CPLANE1: variants seen among roughly 807,000 people sequenced by gnomAD.
The protein encoded by CPLANE1 is ciliogenesis and planar polarity effector complex subunit 1.
A neutral mutation model predicts 362.5 loss-of-function variants in CPLANE1; 263 were observed. The ratio of observed to expected loss-of-function variants is 0.73; its 90% confidence interval spans 0.66 to 0.80. The LOEUF (loss-of-function observed/expected upper bound fraction) is 0.80. CPLANE1 is among the 30% of genes least tolerant of loss of function. The pLI is 0.00. For synonymous variants in CPLANE1, 1,212 were observed against 1,302.6 expected, an observed-to-expected ratio of 0.93 and a Z score of 1.50; for missense variants, 3,461 against 3,793.4, an observed-to-expected ratio of 0.91 and a Z score of 2.30.
At chr5:37,192,747 C>T (rs1224803040) in intron 21 of CPLANE1, among the ~76,000 whole-genome samples, 5 of 151,058 alleles carry the variant, frequency 3.3e-5, no homozygotes, top group Non-Finnish European at 7.4e-5. Flanking sequence ...GCCTGTAGTC[C>T]CAGCTACTCG....
chr5:37,211,073 C>T, intron 16 of CPLANE1: 1 of 876,914 alleles, frequency 1.1e-6, no homozygotes, highest in South Asian at 1.3e-5. Flanking sequence ...ATCATTCTGC[C>T]AATGGATTAA....
intron 43 of CPLANE1, among the ~76,000 whole-genome samples, chr5:37,145,875 T>A (rs570213275): frequency 3.4e-4 from 52 of 152,260 alleles, no homozygotes; most frequent in Middle Eastern, 3.4e-3. Flanking sequence ...TCTAATTATT[T>A]AAAGGAATGA....
chr5:37,116,226 T>C (rs879812867), intron 50 of CPLANE1, among the ~76,000 whole-genome samples: 5 of 152,096 alleles, frequency 3.3e-5, no homozygotes, highest in Non-Finnish European at 5.9e-5. Flanking sequence ...GGCTCACACC[T>C]GTAATCCCAT....
intron 42 of CPLANE1, among the ~76,000 whole-genome samples, chr5:37,151,099 C>T (rs1024279025): frequency 7.2e-5 from 11 of 152,166 alleles, no homozygotes; most frequent in Admixed American, 3.3e-4. Context: ...ATGGTAAATG[C>T]TTTCTGTTCC....
chr5:37,194,899 T>C (rs1026868236), intron 21 of CPLANE1, among the ~76,000 whole-genome samples: 2 of 151,734 alleles, frequency 1.3e-5, no homozygotes, highest in African/African-American at 4.8e-5. Context: ...ACACCTGTAA[T>C]CCCAGCACTT....
At chr5:37,179,883 C>A (rs1580468195) in intron 28 of CPLANE1, 134 bp downstream of exon 28, 1 of 481,848 alleles carries the variant, frequency 2.1e-6, no homozygotes, top group Non-Finnish European at 3.5e-6. Context: ...ATATTTAATT[C>A]TCTTAATTTT....
chr5:37,192,590 C>T (rs1258827257), intron 21 of CPLANE1, among the ~76,000 whole-genome samples: 1 of 152,106 alleles, frequency 6.6e-6, no homozygotes, highest in Non-Finnish European at 1.5e-5. Context: ...TCTGGCCAGG[C>T]ACGGTGGCTC....
rs190131973 is a variant in CPLANE1, at chr5:37,173,083, A to G, written c.6171+672T>C. On this transcript the variant is annotated intron_variant, in intron 32 of 52. Coordinates refer to ENST00000651892, the MANE Select transcript of CPLANE1 (RefSeq NM_001384732.1). The stretch of plus-strand genomic sequence containing the variant: ...ATTACATCACATAAAAGGATATGGA[A>G]GTGAATGTAGGACAAATGAGCAGAG... Among the ~76,000 whole-genome samples the G allele has an allele frequency of 3.9e-3, 601 of 152,352 alleles. 2 individuals are homozygous for G. Among genetic ancestry groups the G allele is most frequent in the African/African-American group, 0.013 (548 of 41,582 alleles).
At chr5:37,122,725 C>G (rs1168065784) in intron 47 of CPLANE1, among the ~76,000 whole-genome samples, 1 of 152,016 alleles carries the variant, frequency 6.6e-6, no homozygotes, top group Non-Finnish European at 1.5e-5. Context: ...ACCAGCCTGG[C>G]CAACATGGTG....
chr5:37,120,440 C>G lies in CPLANE1; in HGVS notation c.9186-100G>C, dbSNP rs1579874866. 3.0e-6 allele frequency: 3 copies of G among 995,568 alleles called. No individual in the cohort carries two copies. The Admixed American group carries it at 1.0e-4, about 34-fold the overall frequency. 61.7% of individuals were successfully genotyped at this position (995,568 alleles called of 1,614,324 possible). A position where few individuals can be genotyped will look rare whatever the true frequency, so the allele number is the denominator to read the frequency against. ...CCAAATTAAGCTGGGCACAGTAGTG[C>G]AAGCCTATAGCCCCAGCTACTGGCG... On this transcript the variant is annotated intron_variant, in intron 49 of 52. Transcript: ENST00000651892.
chr5:37,089,956 G>A, the CPLANE1 span, among the ~76,000 whole-genome samples: 2 of 152,104 alleles, frequency 1.3e-5, no homozygotes, highest in African/African-American at 4.8e-5. Flanking sequence ...AGCCCCAACG[G>A]AGCCAATACT....
intron 25 of CPLANE1, among the ~76,000 whole-genome samples, 183 bp downstream of exon 25, chr5:37,184,605 C>T (rs973647075): frequency 6.6e-5 from 10 of 151,892 alleles, no homozygotes; most frequent in African/African-American, 1.2e-4. Flanking sequence ...AGTAAATTTT[C>T]GAATGTATAG....
chr5:37,238,819 G>C (rs560539022), intron 8 of CPLANE1, 38 bp downstream of exon 8: 1 of 1,236,536 alleles, frequency 8.1e-7, no homozygotes, highest in Non-Finnish European at 1.1e-6. Flanking sequence ...TCTTTTAAAA[G>C]AAAAAAAGAA....
chr5:37,126,736 C>A (rs1294667270), intron 46 of CPLANE1, among the ~76,000 whole-genome samples: 1 of 152,174 alleles, frequency 6.6e-6, no homozygotes, highest in Non-Finnish European at 1.5e-5. Context: ...GTGGCATGCA[C>A]CTGTAGTCCC....
intron 8 of CPLANE1, among the ~76,000 whole-genome samples, chr5:37,234,166 A>G (rs1433706150): frequency 1.3e-5 from 2 of 152,220 alleles, no homozygotes; most frequent in African/African-American, 2.4e-5. Context: ...AATGCCACAG[A>G]AAACATAAGA....
chr5:37,134,124 G>T (rs1766821402), intron 46 of CPLANE1, among the ~76,000 whole-genome samples: 1 of 152,184 alleles, frequency 6.6e-6, no homozygotes, highest in Non-Finnish European at 1.5e-5. Flanking sequence ...GTCTTCGCCA[G>T]GTTTTGGTAT....
intron 18 of CPLANE1, among the ~76,000 whole-genome samples, chr5:37,203,012 C>T (rs185893647): frequency 5.3e-5 from 8 of 151,798 alleles, no homozygotes; most frequent in Admixed American, 4.6e-4. Flanking sequence ...CAAATTTGCT[C>T]CTAAATTGGT....
intron 42 of CPLANE1, among the ~76,000 whole-genome samples, chr5:37,150,482 T>A (rs1393652878): frequency 1.3e-5 from 2 of 151,986 alleles, no homozygotes; most frequent in African/African-American, 4.8e-5. Context: ...ATCATGTCCC[T>A]GATAGAAATC....
chr5:37,083,865 A>T, the CPLANE1 span, among the ~76,000 whole-genome samples: 1 of 152,262 alleles, frequency 6.6e-6, no homozygotes, highest in Non-Finnish European at 1.5e-5. Context: ...TTGGGGGAAT[A>T]ATCGAGGAAA....
Sources: gnomAD v4.1 joint callset for allele counts (sites outside exome capture counted in the v4.1 genomes callset) on GRCh38, gnomAD v4.1.1 for gene constraint, MANE v1.5 for transcripts, NCBI Gene and HGNC (gene_info 2026-07-23, HGNC 2026-07-21) for gene names.